The following NAV2 variants were observed in gnomAD, a reference collection of about 807,000 sequenced individuals.
NAV2 encodes the protein neuron navigator 2.
Under a neutral mutation model 223.2 loss-of-function variants are expected in NAV2, and 54 were observed. The observed-to-expected ratio is 0.24, with a 90% CI of 0.19 to 0.30. The LOEUF (loss-of-function observed/expected upper bound fraction) is 0.30, where lower values mean the gene tolerates loss of function less well. NAV2 is among the 10% of genes least tolerant of loss of function. NAV2 has a pLI of 1.00. For synonymous variants in NAV2, 1,279 were observed against 1,239.3 expected (o/e 1.03, Z -0.67); for missense variants, 2,806 against 3,147.5 (o/e 0.89, Z 2.60).
intron 11 of NAV2, among the ~76,000 whole-genome samples, chr11:20,028,122 G>A (rs2055292785): frequency 6.6e-6 from 1 of 152,172 alleles, no homozygotes; most frequent in Non-Finnish European, 1.5e-5. Flanking sequence ...CAGTTCTGTG[G>A]AATTCTCACT....
intron 2 of NAV2, among the ~76,000 whole-genome samples, chr11:19,838,704 G>A (rs939534733): frequency 6.6e-6 from 1 of 152,134 alleles, no homozygotes; most frequent in Non-Finnish European, 1.5e-5. Flanking sequence ...GCTCACTGAG[G>A]CCTCTGCCTC....
chr11:19,622,469 G>C (rs1422484630), intron 1 of NAV2, among the ~76,000 whole-genome samples: 2 of 152,210 alleles, frequency 1.3e-5, no homozygotes, highest in African/African-American at 2.4e-5. Context: ...ATTTAGGATA[G>C]TTAGCTCTTC....
At chr11:19,410,456 A>G (rs1413409885) in intron 1 of NAV2, among the ~76,000 whole-genome samples, 1 of 152,232 alleles carries the variant, frequency 6.6e-6, no homozygotes, top group African/African-American at 2.4e-5. Context: ...TTTACAAATA[A>G]GGAAACCAAG....
intron 1 of NAV2, among the ~76,000 whole-genome samples, chr11:19,612,035 A>G (rs1163930892): frequency 6.6e-6 from 1 of 152,188 alleles, no homozygotes; most frequent in Non-Finnish European, 1.5e-5. Context: ...CCCAAACCTC[A>G]ATTATTGACT....
At chr11:19,692,311 C>T (rs891999289) in intron 1 of NAV2, among the ~76,000 whole-genome samples, 3 of 152,242 alleles carry the variant, frequency 2.0e-5, no homozygotes, top group Admixed American at 6.5e-5. Flanking sequence ...ATGTACCCCC[C>T]GGAAACCCAG....
chr11:19,587,879 A>C (rs564434471), intron 1 of NAV2, among the ~76,000 whole-genome samples: 2 of 152,372 alleles, frequency 1.3e-5, no homozygotes, highest in Non-Finnish European at 2.9e-5. Context: ...GCCAGTGGAT[A>C]GCTCTTCTCC....
intron 1 of NAV2, among the ~76,000 whole-genome samples, chr11:19,528,083 A>G (rs1373412120): frequency 6.6e-6 from 1 of 152,240 alleles, no homozygotes; most frequent in Non-Finnish European, 1.5e-5. Flanking sequence ...GCTGTGTGGT[A>G]CATGGCAGGC....
At chr11:19,996,410 C>T (rs918403518) in intron 11 of NAV2, among the ~76,000 whole-genome samples, 2 of 152,216 alleles carry the variant, frequency 1.3e-5, no homozygotes, top group Admixed American at 1.3e-4. Context: ...ATCTGGGAGG[C>T]TCAGCAAAAA....
At chr11:19,518,048 G>A (rs2043514298) in intron 1 of NAV2, among the ~76,000 whole-genome samples, 1 of 152,238 alleles carries the variant, frequency 6.6e-6, no homozygotes, top group African/African-American at 2.4e-5. Context: ...GCTAAAGAGG[G>A]ACAGAGAAGT....
At chr11:19,776,334 G>A (rs1420372042) in intron 1 of NAV2, among the ~76,000 whole-genome samples, 5 of 152,310 alleles carry the variant, frequency 3.3e-5, no homozygotes. Context: ...GGAAGGTGGG[G>A]AGGTCCCCAG....
intron 1 of NAV2, among the ~76,000 whole-genome samples, chr11:19,404,731 C>T (rs1418788193): frequency 6.6e-6 from 1 of 152,214 alleles, no homozygotes; most frequent in East Asian, 1.9e-4. Flanking sequence ...ATCGAGTGAT[C>T]ACAACCCAAG....
intron 1 of NAV2, among the ~76,000 whole-genome samples, chr11:19,536,868 T>A (rs2134482949): frequency 6.6e-6 from 1 of 152,326 alleles, no homozygotes; most frequent in African/African-American, 2.4e-5. Flanking sequence ...TTCTACTTGA[T>A]CATAGTCAGA....
Position 20,022,488 on chromosome 11 carries a change from T to C in NAV2, c.2769-13471T>C, listed in dbSNP as rs1387644858. 4.3e-6 allele frequency: 4 copies of C among 934,716 alleles called. No individual in the cohort carries two copies. In the African/African-American group the frequency reaches 7.1e-5, roughly 17 times the overall value. The allele number at this position is 934,716 out of a possible 1,614,324, so 57.9% of individuals were successfully genotyped here. ...TTGACATCACCGGAAATAATGTATG[T>C]GTGTCGTTGTTAACTGTACAAACAG... is the stretch of plus-strand genomic sequence containing the variant. On this transcript the variant is annotated intron_variant, in intron 11 of 37. Coordinates refer to ENST00000349880, the MANE Select transcript of NAV2 (RefSeq NM_145117.5).
chr11:19,478,454 C>T (rs931234941), intron 1 of NAV2, among the ~76,000 whole-genome samples: 7 of 152,012 alleles, frequency 4.6e-5, no homozygotes, highest in African/African-American at 1.2e-4. Flanking sequence ...TTGGAGTTCA[C>T]TGAAAAGAAA....
chr11:19,966,546 C>G (rs1207279376), intron 10 of NAV2, among the ~76,000 whole-genome samples: 1 of 152,226 alleles, frequency 6.6e-6, no homozygotes, highest in Non-Finnish European at 1.5e-5. Flanking sequence ...AGCTGCCATC[C>G]TGTTCCTGCC....
At chr11:19,870,771 G>A (rs1327459419) in intron 4 of NAV2, among the ~76,000 whole-genome samples, 7 of 152,200 alleles carry the variant, frequency 4.6e-5, no homozygotes, top group Non-Finnish European at 1.0e-4. Context: ...AAGAGGTTAT[G>A]AGCGGCATCC....
At chr11:19,740,029 C>T (rs949695732) in intron 1 of NAV2, among the ~76,000 whole-genome samples, 5 of 152,270 alleles carry the variant, frequency 3.3e-5, no homozygotes, top group Middle Eastern at 3.4e-3. Flanking sequence ...CGAGCAGGCT[C>T]CCCCTGGAGG....
Position 20,080,227 on chromosome 11 carries a change from C to CT in NAV2, c.5325+19dup. The CT allele has an allele frequency of 1.9e-6, 3 of 1,609,492 alleles. No individual in the cohort carries two copies. Among genetic ancestry groups the CT allele is most frequent in the Non-Finnish European group, 8.5e-7 (1 of 1,176,904 alleles). ...AGAACTGGGTGAGTGCACATCCACT[C>CT]TCCTGGGGACTGACGGACAGAGTCA... is the stretch of plus-strand genomic sequence containing the variant. On this transcript the variant is annotated intron_variant, in intron 25 of 37. Transcript: ENST00000349880.
intron 1 of NAV2, among the ~76,000 whole-genome samples, chr11:19,750,741 A>G (rs937969959): frequency 3.3e-5 from 5 of 152,228 alleles, no homozygotes; most frequent in African/African-American, 9.6e-5. Flanking sequence ...AGACAGAGTC[A>G]GAATAGGGTC....
Sources: allele counts gnomAD v4.1 joint callset (sites outside exome capture counted in the v4.1 genomes callset), GRCh38; gene constraint gnomAD v4.1.1; transcripts MANE v1.5; gene names NCBI Gene and HGNC (gene_info 2026-07-23, HGNC 2026-07-21).